The following SLC22A15 variants were observed in gnomAD, a reference collection of about 807,000 sequenced individuals.
SLC22A15 encodes solute carrier family 22 member 15, also known as flipt 1.
In SLC22A15, 45 loss-of-function variants were observed where a neutral mutation model predicts 62.7. The observed-to-expected ratio is 0.72, with a 90% CI of 0.56 to 0.92. The LOEUF is 0.92. Among genes scored for constraint, SLC22A15 ranks in the 40% least tolerant of loss-of-function variants. SLC22A15 has a pLI of 0.00. For synonymous variants in SLC22A15, 264 were observed against 267.0 expected (o/e 0.99, Z 0.11); for missense variants, 622 against 665.6 (o/e 0.93, Z 0.72).
intron 8 of SLC22A15, among the ~76,000 whole-genome samples, chr1:116,056,690 A>T (rs1297971712): frequency 6.6e-6 from 1 of 152,174 alleles, no homozygotes; most frequent in East Asian, 1.9e-4. Context: ...ACAGCATGGT[A>T]CTGGTACCAA....
chr1:115,990,331 CGT>C (rs1163586731), intron 1 of SLC22A15, among the ~76,000 whole-genome samples: 4 of 152,184 alleles, frequency 2.6e-5, no homozygotes, highest in African/African-American at 9.6e-5. Flanking sequence ...TTCACTAGAA[CGT>C]GTGTTTCGAG....
chr1:116,012,779 TG>T (rs766304532), intron 2 of SLC22A15, among the ~76,000 whole-genome samples: 2 of 152,222 alleles, frequency 1.3e-5, no homozygotes, highest in African/African-American at 2.4e-5. Flanking sequence ...GACTTTATGA[TG>T]GTGCAAAAGT....
At chr1:116,057,880 G>A (rs188737609) in intron 8 of SLC22A15, among the ~76,000 whole-genome samples, 5 of 152,004 alleles carry the variant, frequency 3.3e-5, no homozygotes, top group Non-Finnish European at 2.9e-5. Flanking sequence ...ACACAGGAAG[G>A]GGAACATCAC....
At chr1:115,990,445 T>A (rs1292413628) in intron 1 of SLC22A15, among the ~76,000 whole-genome samples, 1 of 152,180 alleles carries the variant, frequency 6.6e-6, no homozygotes, top group African/African-American at 2.4e-5. Flanking sequence ...ACTAAATGGG[T>A]GTAAGTGGCT....
rs1197660492 is a variant in SLC22A15 at position 116,069,872 on chromosome 1, T to C, written c.*2764T>C. 6.6e-6 allele frequency: 1 copy of C among 152,154 alleles called. No homozygotes were observed. Among genetic ancestry groups the C allele is most frequent in the African/African-American group, 2.4e-5 (1 of 41,434 alleles). The allele number at this position is 152,154 out of a possible 1,614,324, so 9.4% of individuals were successfully genotyped here. ...GATTTATATTCATAACAAATACATA[T>C]TGAAATAATTGTCACTACTGTATCA... On this transcript the variant is annotated 3_prime_UTR_variant, in exon 12 of 12. Coordinates refer to ENST00000369503, the MANE Select transcript of SLC22A15 (RefSeq NM_018420.3).
chr1:116,031,793 G>A, intron 6 of SLC22A15: 2 of 1,413,506 alleles, frequency 1.4e-6, no homozygotes, highest in East Asian at 2.6e-5. Flanking sequence ...TGCCTGATGG[G>A]CAGGTCCACT....
At chr1:116,043,497 A>G (rs1177118285) in intron 8 of SLC22A15, among the ~76,000 whole-genome samples, 2 of 152,230 alleles carry the variant, frequency 1.3e-5, no homozygotes, top group Non-Finnish European at 1.5e-5. Flanking sequence ...GGAAATTTAT[A>G]TAATTCTTTT....
intron 2 of SLC22A15, among the ~76,000 whole-genome samples, chr1:116,003,226 G>T (rs1655822477): frequency 6.6e-6 from 1 of 152,156 alleles, no homozygotes; most frequent in African/African-American, 2.4e-5. Flanking sequence ...TATGCAAATT[G>T]CAAGACAAAG....
At chr1:116,012,060 G>A (rs1332677496) in intron 2 of SLC22A15, among the ~76,000 whole-genome samples, 1 of 152,062 alleles carries the variant, frequency 6.6e-6, no homozygotes, top group Admixed American at 6.5e-5. Flanking sequence ...GTAAAAGCTT[G>A]GAGTAAATGA....
At chr1:116,015,909 T>G (rs935109980) in intron 2 of SLC22A15, among the ~76,000 whole-genome samples, 1 of 152,216 alleles carries the variant, frequency 6.6e-6, no homozygotes, top group East Asian at 1.9e-4. Context: ...CATATTGATT[T>G]ATTTTTAGAC....
intron 5 of SLC22A15, among the ~76,000 whole-genome samples, chr1:116,027,915 G>A (rs149737596): frequency 0.019 from 2,953 of 152,234 alleles, 51 homozygotes; most frequent in Middle Eastern, 0.075. Context: ...GTGAGCCACC[G>A]CGCCTGGCAG....
In SLC22A15 at chr1:116,031,452, A is replaced by G. The variant is rs1657389413; in HGVS notation, c.815A>G (p.Asn272Ser). The change falls in exon 6 of 12, where the codon AAC (asparagine) becomes AGC (serine). Residue 272 changes from asparagine (N) to serine (S), a missense_variant. Transcript: ENST00000369503. The stretch of plus-strand genomic sequence containing the variant: ...GCGCTGTACCTCATTGCCAAGAGGA[A>G]CCGCAAACTCAAGTGCACGTTCTCA... ...EEALYLIAKR[N>S]RKLKCTFSLT... 6.2e-7 allele frequency: 1 copy of G among 1,613,866 alleles called. No individual in the cohort carries two copies. The highest frequency in any genetic ancestry group is 1.3e-5 in the African/African-American group (1 of 74,926).
chr1:115,992,321 T>A (rs1655187200), intron 2 of SLC22A15, 78 bp downstream of exon 2: 1 of 1,217,284 alleles, frequency 8.2e-7, no homozygotes, highest in Non-Finnish European at 1.2e-6. Flanking sequence ...TCTTGCTGAT[T>A]TAAATATCAG....
At chr1:115,992,309 T>C in intron 2 of SLC22A15, 66 bp downstream of exon 2, 1 of 1,324,620 alleles carries the variant, frequency 7.5e-7, no homozygotes, top group Non-Finnish European at 1.0e-6. Context: ...CTACTCTTTT[T>C]GTCTTGCTGA....
At chr1:116,048,629 C>G (rs1657983428) in intron 8 of SLC22A15, among the ~76,000 whole-genome samples, 1 of 152,138 alleles carries the variant, frequency 6.6e-6, no homozygotes, top group Non-Finnish European at 1.5e-5. Flanking sequence ...AACAGAAACT[C>G]TTTAAAGCAT....
At chr1:116,066,416 C>T (rs1658499507) in intron 10 of SLC22A15, 104 bp from the exon 11 acceptor site, 1 of 1,015,846 alleles carries the variant, frequency 9.8e-7, no homozygotes, top group Non-Finnish European at 1.4e-6. Flanking sequence ...AGGTCATGAA[C>T]TAGGTGGTAA....
chr1:116,001,430 T>A (rs1655724254), intron 2 of SLC22A15, among the ~76,000 whole-genome samples: 1 of 152,212 alleles, frequency 6.6e-6, no homozygotes, highest in Admixed American at 6.5e-5. Context: ...TCTGTCCTGA[T>A]GTCTTTCTCT....
chr1:116,039,437 G>A (rs529294625), intron 8 of SLC22A15, among the ~76,000 whole-genome samples: 2 of 152,072 alleles, frequency 1.3e-5, no homozygotes, highest in Admixed American at 1.3e-4. Flanking sequence ...GGAGGCTGAG[G>A]CAGGAGAATT....
At chr1:116,032,150 T>G (rs1364062739) in intron 6 of SLC22A15, 2 of 985,302 alleles carry the variant, frequency 2.0e-6, no homozygotes, top group South Asian at 9.4e-5. Flanking sequence ...ATTGAACTGA[T>G]GAGCACTTTC....
Sources: gnomAD v4.1 joint callset for allele counts (sites outside exome capture counted in the v4.1 genomes callset) on GRCh38, gnomAD v4.1.1 for gene constraint, MANE v1.5 for transcripts, NCBI Gene and HGNC (gene_info 2026-07-23, HGNC 2026-07-21) for gene names.